The following UGT1A1 variants were observed in gnomAD, a reference collection of about 807,000 sequenced individuals.
The protein encoded by UGT1A1 is UDP-glucuronosyltransferase 1A1.
In UGT1A1, 33 loss-of-function variants were observed where a neutral mutation model predicts 40.6. That is an observed-to-expected ratio of 0.81 (90% confidence interval 0.62 to 1.09). UGT1A1 has a LOEUF of 1.09. UGT1A1 is among the 50% of genes least tolerant of loss of function. The pLI is 0.00. For synonymous variants in UGT1A1, 249 were observed against 265.0 expected (o/e 0.94, Z 0.59); for missense variants, 694 against 671.2 (o/e 1.03, Z -0.38).
intron 1 of UGT1A1, among the ~76,000 whole-genome samples, chr2:233,766,527 C>T (rs182363342): frequency 4.6e-5 from 7 of 152,118 alleles, no homozygotes; most frequent in Non-Finnish European, 7.3e-5. Context: ...AACATTTAGG[C>T]AGGAAAACAA....
Position 233,772,832 on chromosome 2 carries a change from C to CACACAAGAAAGCCAGCAAGG in UGT1A1, c.*273_*274insACACAAGAAAGCCAGCAAGG. On this transcript the variant is annotated 3_prime_UTR_variant, in exon 5 of 5. Coordinates refer to ENST00000305208, the MANE Select transcript of UGT1A1 (RefSeq NM_000463.3). ...GAGGACGTGCAGACAGGCTGGCATT[C>CACACAAGAAAGCCAGCAAGG]TAGATTACTTTTCTTACTCTGAAAC... is the stretch of plus-strand genomic sequence containing the variant. 1 of 899,520 alleles carries CACACAAGAAAGCCAGCAAGG rather than the reference C, an allele frequency of 1.1e-6. No individual in the cohort carries two copies. The highest frequency in any genetic ancestry group is 1.5e-6 in the Non-Finnish European group (1 of 646,890). The allele number at this position is 899,520 out of a possible 1,614,324, so 55.7% of individuals were successfully genotyped here. A position where few individuals can be genotyped will look rare whatever the true frequency, so the allele number is the denominator to read the frequency against.
chr2:233,768,263 T>C lies in UGT1A1; in HGVS notation c.1128T>C (p.His376=), dbSNP rs1699595501. The C allele has an allele frequency of 2.5e-6, 4 of 1,614,154 alleles. No individual in the cohort carries two copies. Among genetic ancestry groups the C allele is most frequent in the Non-Finnish European group, 3.4e-6 (4 of 1,180,014 alleles). ...CCTTTATCACCCATGCTGGTTCCCA[T>C]GGTGTTTATGAAAGCATATGCAATG... The part of the protein sequence containing the change: ...TRAFITHAGS[H]GVYESICNGV... Residue 376 remains histidine (H), a synonymous_variant, in exon 4 of 5, where the codon CAT becomes CAC. Coordinates refer to ENST00000305208, the MANE Select transcript of UGT1A1 (RefSeq NM_000463.3).
At chr2:233,771,561 C>T (rs1395815945) in intron 4 of UGT1A1, 1 of 152,134 alleles carries the variant, frequency 6.6e-6, no homozygotes, top group Admixed American at 6.6e-5. Context: ...GTTAATTTGG[C>T]CAGAGGTGGT....
chr2:233,770,422 G>A (rs995965680), intron 4 of UGT1A1: 1 of 152,196 alleles, frequency 6.6e-6, no homozygotes, highest in Non-Finnish European at 1.5e-5. Flanking sequence ...GGGAGGCCGA[G>A]GCAGGTGGAT....
In UGT1A1 at chr2:233,769,569, G is replaced by A; in HGVS notation, c.1304+1130G>A. ...TCAGGAAGACAGATGTGAAGAGCTG[G>A]AGCATGTTCAGATGAGAGGAGACGG... On this transcript the variant is annotated intron_variant, in intron 4 of 4. Transcript: ENST00000305208. The surrounding 1 kb of genome is among the most constrained non-coding windows in gnomAD (Gnocchi z 4.4). The A allele has an allele frequency of 1.2e-6, 2 of 1,612,870 alleles. No individual in the cohort carries two copies. The highest frequency in any genetic ancestry group is 2.2e-5 in the South Asian group (2 of 91,064).
rs537688236 is a variant in UGT1A1, at chr2:233,769,340, T to A, written c.1304+901T>A. On this transcript the variant is annotated intron_variant, in intron 4 of 4. Coordinates refer to ENST00000305208, the MANE Select transcript of UGT1A1 (RefSeq NM_000463.3). This position sits in a 1 kb window ranked among gnomAD's most constrained non-coding sequence, Gnocchi z 4.4. ...CACTGGTAATAGGCTTATTAGAACC[T>A]TATGGGAAGAAGTGGTGGCCAGTGG... Among the ~76,000 whole-genome samples the A allele has an allele frequency of 9.2e-5, 14 of 152,346 alleles. No individual in the cohort carries two copies. The highest frequency in any genetic ancestry group is 3.4e-4 in the African/African-American group (14 of 41,584).
chr2:233,760,371 G>A lies in UGT1A1; in HGVS notation c.84G>A (p.Gly28=). 1 of 1,614,158 alleles carries A rather than the reference G, an allele frequency of 6.2e-7. No homozygotes were observed. The highest frequency in any genetic ancestry group is 8.5e-7 in the Non-Finnish European group (1 of 1,180,016). Residue 28 remains glycine, a synonymous_variant, in exon 1 of 5, where the codon GGG becomes GGA. Coordinates refer to ENST00000305208, the MANE Select transcript of UGT1A1 (RefSeq NM_000463.3). ...CVLGPVVSHA[G]KILLIPVDGS... ...TGGGCCCAGTGGTGTCCCATGCTGGGAAGATACTGTTGATCCCAGTGGATG... is the reference window on the plus strand; with the variant it reads ...TGGGCCCAGTGGTGTCCCATGCTGGAAAGATACTGTTGATCCCAGTGGATG...
intron 3 of UGT1A1, 134 bp from the exon 4 acceptor site, chr2:233,768,086 A>C (rs1699559906): frequency 6.3e-7 from 1 of 1,591,310 alleles, no homozygotes; most frequent in Non-Finnish European, 8.6e-7. Context: ...ATCTCAACCC[A>C]CATTTTCTTC....
At chr2:233,770,240 T>A (rs1700042980) in intron 4 of UGT1A1, 1 of 152,226 alleles carries the variant, frequency 6.6e-6, no homozygotes, top group Non-Finnish European at 1.5e-5. Flanking sequence ...TCTCCATGAT[T>A]CCAACACTCT....
At chr2:233,768,541 A>C (rs1699639375) in intron 4 of UGT1A1, 102 bp downstream of exon 4, 3 of 1,492,216 alleles carry the variant, frequency 2.0e-6, no homozygotes, top group Non-Finnish European at 2.7e-6. Flanking sequence ...GTTGTTTCAA[A>C]TATAAAAACA....
intron 4 of UGT1A1, chr2:233,771,400 G>A (rs1195716316): frequency 6.6e-6 from 1 of 152,152 alleles, no homozygotes; most frequent in Non-Finnish European, 1.5e-5. Flanking sequence ...ATTGGGCAAT[G>A]AACACTGTCC....
rs771159962 is a variant in UGT1A1 at position 233,772,481 on chromosome 2, ATGT to A, written c.1528_1530del (p.Cys510del). 1.2e-6 allele frequency: 2 copies of A among 1,614,126 alleles called. No homozygotes were observed. Among genetic ancestry groups the A allele is most frequent in the South Asian group, 1.1e-5 (1 of 91,090 alleles). ...TGACAGTGGCCTTCATCACCTTTAA[ATGT>A]TGTGCTTATGGCTACCGGAAATGCT... On this transcript the variant is annotated inframe_deletion, in exon 5 of 5. Transcript: ENST00000305208.
In UGT1A1 at chr2:233,760,745, T is replaced by A. The variant is rs1697549301; in HGVS notation, c.458T>A (p.Phe153Tyr). Residue 153 changes from phenylalanine to tyrosine, a missense_variant, in exon 1 of 5, where the codon TTC becomes TAC. Transcript: ENST00000305208. ...TTTGATGTCATGCTGACGGACCCTT[T>A]CCTTCCTTGCAGCCCCATCGTGGCC... Reference protein sequence around the residue: ...SSFDVMLTDPFLPCSPIVAQY... With the variant: ...SSFDVMLTDPYLPCSPIVAQY... 1 of 1,614,020 alleles carries A rather than the reference T, an allele frequency of 6.2e-7. No homozygotes were observed. Among genetic ancestry groups the A allele is most frequent in the Non-Finnish European group, 8.5e-7 (1 of 1,180,000 alleles).
intron 1 of UGT1A1, among the ~76,000 whole-genome samples, chr2:233,762,877 CTT>C (rs1394473755): frequency 6.6e-6 from 1 of 152,136 alleles, no homozygotes; most frequent in East Asian, 1.9e-4. Flanking sequence ...GGTTTCTTCT[CTT>C]ATAAATTCCA....
chr2:233,767,556 C>T (rs1699418440), intron 2 of UGT1A1, among the ~76,000 whole-genome samples: 1 of 152,172 alleles, frequency 6.6e-6, no homozygotes, highest in African/African-American at 2.4e-5. Flanking sequence ...GTTCTGCATC[C>T]ACTTGTTTCA....
chr2:233,766,578 G>C (rs1048038001), intron 1 of UGT1A1, among the ~76,000 whole-genome samples: 1 of 152,134 alleles, frequency 6.6e-6, no homozygotes, highest in Non-Finnish European at 1.5e-5. Flanking sequence ...ACAGGTCTGG[G>C]GGTGGAGCCC....
chr2:233,768,207 T>G lies in UGT1A1; in HGVS notation c.1085-13T>G, dbSNP rs1370777582. ...GATGTAACTGCTGACATCCTCCCTA[T>G]TTTGCATCTCAGGTCACCCGATGAC... is the stretch of plus-strand genomic sequence containing the variant. On this transcript the variant is annotated splice_polypyrimidine_tract_variant and intron_variant, in intron 3 of 4. Transcript: ENST00000305208. 6.2e-7 allele frequency: 1 copy of G among 1,614,218 alleles called. No homozygotes were observed. The highest frequency in any genetic ancestry group is 1.1e-5 in the South Asian group (1 of 91,088).
Position 233,760,963 on chromosome 2 carries a change from G to A in UGT1A1, c.676G>A (p.Val226Ile), listed in dbSNP as rs761943511. The A allele has an allele frequency of 3.1e-6, 5 of 1,614,162 alleles. No individual in the cohort carries two copies. Among genetic ancestry groups the A allele is most frequent in the African/African-American group, 1.3e-5 (1 of 75,024 alleles). ...TTCACAGAACTTTCTGTGCGACGTG[G>A]TTTATTCCCCGTATGCAACCCTTGC... is the stretch of plus-strand genomic sequence containing the variant. ...AFSQNFLCDV[V>I]YSPYATLASE... The change falls in exon 1 of 5, where the codon GTT becomes ATT. Residue 226 changes from valine (V) to isoleucine (I), a missense_variant. Val to Ile is a conservative substitution (Grantham distance 29). Transcript: ENST00000305208.
Position 233,767,853 on chromosome 2 carries a change from TG to T in UGT1A1, c.1002del (p.Trp335GlyfsTer31), listed in dbSNP as rs1559414567. 7 of 1,614,210 alleles carry T rather than the reference TG, an allele frequency of 4.3e-6. No homozygotes were observed. Among genetic ancestry groups the T allele is most frequent in the Non-Finnish European group, 5.9e-6 (7 of 1,180,034 alleles). ...TGCTCTTTTTGCCCCTCCCAGGTCCTGTGGCGGTACACTGGAACCCGACCAT... is the reference window on the plus strand; with the variant it reads ...TGCTCTTTTTGCCCCTCCCAGGTCCTTGGCGGTACACTGGAACCCGACCAT... Reference protein sequence around the residue: ...DALGKIPQTVLWRYTGTRPSN... With the variant: ...DALGKIPQTVXWRYTGTRPSN... On this transcript the variant is annotated frameshift_variant, in exon 3 of 5. Coordinates refer to ENST00000305208, the MANE Select transcript of UGT1A1 (RefSeq NM_000463.3). LOFTEE classifies it high-confidence loss of function.
Sources: allele counts gnomAD v4.1 joint callset (sites outside exome capture counted in the v4.1 genomes callset), GRCh38; gene constraint gnomAD v4.1.1; non-coding constraint Gnocchi (gnomAD v3.1); transcripts MANE v1.5; gene names NCBI Gene and HGNC (gene_info 2026-07-23, HGNC 2026-07-21).